The following KAZN variants were observed in gnomAD, a reference collection of about 807,000 sequenced individuals.
KAZN encodes the protein kazrin, periplakin interacting protein.
A neutral mutation model predicts 87.4 loss-of-function variants in KAZN; 40 were observed. The ratio of observed to expected loss-of-function variants is 0.46; its 90% CI spans 0.36 to 0.60. The LOEUF (loss-of-function observed/expected upper bound fraction) is 0.60. Among genes scored for constraint, KAZN ranks in the 20% least tolerant of loss-of-function variants. KAZN has a pLI of 0.00. For missense variants in KAZN, 898 were observed against 1,073.9 expected (o/e 0.84, Z 2.29); for synonymous variants, 466 against 458.3 (o/e 1.02, Z -0.22).
chr1:14,475,500 A>G (rs938657026), intron 2 of KAZN, among the ~76,000 whole-genome samples: 2 of 152,224 alleles, frequency 1.3e-5, no homozygotes, highest in Admixed American at 6.5e-5. Context: ...TCTTTTCGTC[A>G]GTCTCTCCAT....
At chr1:14,397,713 T>C (rs1663018128) in intron 2 of KAZN, among the ~76,000 whole-genome samples, 1 of 151,490 alleles carries the variant, frequency 6.6e-6, no homozygotes, top group Admixed American at 6.6e-5. Context: ...AAAAAAAAAT[T>C]AGCTGGGCGT....
At chr1:14,998,735 G>A (rs1380847336) in intron 2 of KAZN, among the ~76,000 whole-genome samples, 1 of 152,088 alleles carries the variant, frequency 6.6e-6, no homozygotes, top group Admixed American at 6.6e-5. Context: ...TTTTAGTAGA[G>A]ACGGGGTTTC....
At chr1:14,791,672 C>CAGGGGG (rs1645677884) in intron 1 of KAZN, among the ~76,000 whole-genome samples, 1 of 152,110 alleles carries the variant, frequency 6.6e-6, no homozygotes, top group African/African-American at 2.4e-5. Context: ...GAGCTTAGTC[C>CAGGGGG]CCAGGGGAAT....
chr1:14,831,677 A>T (rs183100741), intron 1 of KAZN, among the ~76,000 whole-genome samples: 6 of 152,228 alleles, frequency 3.9e-5, no homozygotes, highest in African/African-American at 1.4e-4. Flanking sequence ...ATATGAATAC[A>T]TCCCTATCTG....
intron 1 of KAZN, among the ~76,000 whole-genome samples, chr1:14,792,974 CAAA>C (rs1338876410): frequency 9.2e-6 from 1 of 108,904 alleles, no homozygotes. Flanking sequence ...GACTCTGTCT[CAAA>C]AAAAAAAAAA....
chr1:14,812,729 G>T (rs1157854635), intron 1 of KAZN, among the ~76,000 whole-genome samples: 1 of 151,960 alleles, frequency 6.6e-6, no homozygotes, highest in Non-Finnish European at 1.5e-5. Flanking sequence ...TGCCCAGACT[G>T]GTCTCAAATC....
chr1:14,905,863 TAA>T (rs1656480854), intron 1 of KAZN, among the ~76,000 whole-genome samples: 1 of 138,950 alleles, frequency 7.2e-6, no homozygotes, highest in Admixed American at 7.4e-5. Context: ...ATAATAATAA[TAA>T]TAATAATAAT....
intron 1 of KAZN, among the ~76,000 whole-genome samples, chr1:14,665,475 A>G (rs967446874): frequency 7.2e-5 from 11 of 152,052 alleles, no homozygotes; most frequent in Non-Finnish European, 1.2e-4. Flanking sequence ...TTTAAGGGCT[A>G]TACATTTATA....
At chr1:14,764,388 C>A (rs742370) in intron 1 of KAZN, among the ~76,000 whole-genome samples, 19,674 of 143,648 alleles carry the variant, frequency 0.14, 2,034 homozygotes, top group East Asian at 0.2. Flanking sequence ...TCCCCCACAC[C>A]CCCCCCACAA....
At chr1:14,015,365 C>T (rs1470076672) in intron 1 of KAZN, among the ~76,000 whole-genome samples, 1 of 150,058 alleles carries the variant, frequency 6.7e-6, no homozygotes, top group East Asian at 2.0e-4. Context: ...AGATGACCCA[C>T]ATTCCCTCAG....
intron 1 of KAZN, among the ~76,000 whole-genome samples, chr1:13,908,568 C>T (rs1456698505): frequency 1.3e-5 from 2 of 152,178 alleles, no homozygotes; most frequent in African/African-American, 4.8e-5. Context: ...CAGTTGGAAA[C>T]GGAAACTTGG....
intron 1 of KAZN, among the ~76,000 whole-genome samples, chr1:14,032,118 TC>T (rs1043190421): frequency 6.6e-6 from 1 of 152,098 alleles, no homozygotes; most frequent in African/African-American, 2.4e-5. Context: ...CAACTTCCCA[TC>T]CCCTGGCTAC....
intron 1 of KAZN, among the ~76,000 whole-genome samples, chr1:14,908,797 G>A (rs920998148): frequency 8.5e-5 from 13 of 152,136 alleles, no homozygotes; most frequent in African/African-American, 1.7e-4. Context: ...GGTAGGTCAC[G>A]TGAGGTCAGG....
At chr1:13,945,612 T>C (rs4661452) in intron 1 of KAZN, among the ~76,000 whole-genome samples, 14,557 of 150,782 alleles carry the variant, frequency 0.097, 874 homozygotes, top group South Asian at 0.21. Flanking sequence ...GTACCCACAA[T>C]CATAGTTGGG....
chr1:14,390,687 G>C (rs1364618853), intron 2 of KAZN: 1 of 152,666 alleles, frequency 6.6e-6, no homozygotes, highest in African/African-American at 2.4e-5. Context: ...TTGACTCACA[G>C]TTCTGGAGGC....
intron 1 of KAZN, among the ~76,000 whole-genome samples, chr1:14,912,800 G>T (rs900144087): frequency 1.3e-5 from 2 of 152,178 alleles, no homozygotes; most frequent in Non-Finnish European, 2.9e-5. Flanking sequence ...ACTAAAAAAA[G>T]AAACCACATT....
At chr1:14,825,737 C>G (rs1411311455) in intron 1 of KAZN, among the ~76,000 whole-genome samples, 1 of 152,198 alleles carries the variant, frequency 6.6e-6, no homozygotes, top group Admixed American at 6.5e-5. Context: ...GTCGCCTGAT[C>G]AAGCCCCACC....
intron 2 of KAZN, among the ~76,000 whole-genome samples, chr1:14,564,470 C>T (rs533441385): frequency 7.2e-5 from 11 of 152,122 alleles, no homozygotes; most frequent in Admixed American, 4.6e-4. Context: ...ATAATAGAAG[C>T]TACCCTGTGG....
At chr1:15,068,591 G>C (rs916165123) in intron 8 of KAZN, among the ~76,000 whole-genome samples, 3 of 152,010 alleles carry the variant, frequency 2.0e-5, no homozygotes, top group Non-Finnish European at 4.4e-5. Flanking sequence ...GGAGGACCGA[G>C]AGGAGCTTCA....
Sources: allele counts gnomAD v4.1 joint callset (sites outside exome capture counted in the v4.1 genomes callset), GRCh38; gene constraint gnomAD v4.1.1; transcripts MANE v1.5; gene names NCBI Gene and HGNC (gene_info 2026-07-23, HGNC 2026-07-21).